Variants in OSBPL1A observed in about 807,000 individuals in gnomAD.
OSBPL1A encodes the protein oxysterol binding protein like 1A.
In OSBPL1A, 80 loss-of-function variants were observed where a neutral mutation model predicts 137.1. That is an observed-to-expected ratio of 0.58 (90% CI 0.49 to 0.70). The LOEUF is 0.70. Ranked by LOEUF, OSBPL1A falls within the 30% of genes least tolerant of loss-of-function variation. OSBPL1A has a pLI of 0.00. For synonymous variants in OSBPL1A, 365 were observed against 389.7 expected, an observed-to-expected ratio of 0.94 and a Z score of 0.75; for missense variants, 970 against 1,129.4, an observed-to-expected ratio of 0.86 and a Z score of 2.02.
In OSBPL1A at chr18:24,373,779, C is replaced by A. The variant is rs180822439; in HGVS notation, c.121+3634G>T. ...AACCAAGAAATGCCGGGAAGGAACC[C>A]CCCACATGGAAACACTATTCACGCC... On this transcript the variant is annotated intron_variant, in intron 2 of 27. Transcript: ENST00000319481. Among the ~76,000 whole-genome samples the A allele has an allele frequency of 2.0e-5, 3 of 152,170 alleles. No homozygotes were observed. The East Asian group carries it at 5.8e-4, about 29-fold the overall frequency.
intron 17 of OSBPL1A, among the ~76,000 whole-genome samples, chr18:24,204,213 G>A (rs13313674): frequency 0.014 from 2,089 of 152,214 alleles, 44 homozygotes; most frequent in African/African-American, 0.048. Flanking sequence ...AGGTGTTCTT[G>A]TCCTTTTAGG....
Position 24,225,194 on chromosome 18 carries a change from G to A in OSBPL1A, c.1449C>T (p.Ser483=), listed in dbSNP as rs144053792. ...EDEFYDALSD[S]ESERSLSRLE... is the part of the protein sequence containing the mutation. ...ATCTACTCAGGGACCTTTCGGACTC[G>A]GAATCTGTGGCAGAGCAGGTTCATA... The change falls in exon 17 of 28, where the codon TCC becomes TCT. Residue 483 remains serine, a synonymous_variant. Transcript: ENST00000319481. 28 of 1,613,952 alleles carry A rather than the reference G, an allele frequency of 1.7e-5. No individual in the cohort carries two copies. The East Asian group carries it at 2.9e-4, about 17-fold the overall frequency.
At chr18:24,228,395 A>G (rs2088160069) in intron 16 of OSBPL1A, among the ~76,000 whole-genome samples, 1 of 151,944 alleles carries the variant, frequency 6.6e-6, no homozygotes. Context: ...GCTCTAAGAA[A>G]GGTCGCTAAT....
At chr18:24,321,086 C>CT (rs1297610158) in intron 7 of OSBPL1A, among the ~76,000 whole-genome samples, 16 of 148,886 alleles carry the variant, frequency 1.1e-4, no homozygotes, top group African/African-American at 3.7e-4. Flanking sequence ...AAAACACAAA[C>CT]TTTGGCAGTT....
At chr18:24,378,947 T>G (rs372750260) in intron 1 of OSBPL1A, among the ~76,000 whole-genome samples, 1 of 152,026 alleles carries the variant, frequency 6.6e-6, no homozygotes, top group African/African-American at 2.4e-5. Context: ...CTCCCCACTC[T>G]TAAACATGAA....
At chr18:24,270,383 C>A (rs1383033110) in intron 15 of OSBPL1A, among the ~76,000 whole-genome samples, 1 of 152,090 alleles carries the variant, frequency 6.6e-6, no homozygotes, top group Non-Finnish European at 1.5e-5. Flanking sequence ...TCTTTTACTT[C>A]CCCCCCATTA....
intron 16 of OSBPL1A, among the ~76,000 whole-genome samples, chr18:24,227,660 T>C (rs541232696): frequency 2.0e-5 from 3 of 152,150 alleles, no homozygotes; most frequent in East Asian, 3.9e-4. Flanking sequence ...AACAGTGGAA[T>C]TGGTGCTCGG....
chr18:24,170,578 A>C, intron 23 of OSBPL1A, 125 bp from the exon 24 acceptor site: 1 of 1,012,454 alleles, frequency 9.9e-7, no homozygotes, highest in Non-Finnish European at 1.5e-6. Context: ...CTTAGCTTCC[A>C]AGAGCAGATG....
At chr18:24,280,807 C>T in intron 15 of OSBPL1A, 35 bp downstream of exon 15, 1 of 1,450,258 alleles carries the variant, frequency 6.9e-7, no homozygotes, top group Non-Finnish European at 9.3e-7. Context: ...AACATCCAAA[C>T]AATTATTTTA....
chr18:24,318,780 C>T lies in OSBPL1A; in HGVS notation c.655G>A (p.Ala219Thr), dbSNP rs1240810397. 5.6e-6 allele frequency: 9 copies of T among 1,613,484 alleles called. No individual in the cohort carries two copies. Among genetic ancestry groups the T allele is most frequent in the Non-Finnish European group, 7.6e-6 (9 of 1,179,960 alleles). The change falls in exon 8 of 28, where the codon GCT becomes ACT. Residue 219 changes from alanine (A) to threonine (T), a missense_variant. Physicochemically the swap from Ala to Thr is moderately conservative, Grantham distance 58. This residue lies in a region of OSBPL1A where 647 missense variants were observed against 672.6 expected (regional missense o/e 0.96). Coordinates refer to ENST00000319481, the MANE Select transcript of OSBPL1A (RefSeq NM_080597.4). The part of the protein sequence containing the change: ...DQKPLDLAQG[A>T]EMKHILVGNK... ...CCAACAAGAATGTGTTTCATTTCAG[C>T]ACCCTGGGCAAGGTCAAGAGGTTTC...
intron 13 of OSBPL1A, 65 bp downstream of exon 13, chr18:24,311,919 A>G: frequency 6.3e-7 from 1 of 1,576,194 alleles, no homozygotes; most frequent in Non-Finnish European, 8.7e-7. Context: ...CTTAAAGAAA[A>G]AAGTTCTTGA....
intron 16 of OSBPL1A, among the ~76,000 whole-genome samples, chr18:24,236,133 T>C (rs2146003380): frequency 6.6e-6 from 1 of 152,318 alleles, no homozygotes; most frequent in African/African-American, 2.4e-5. Flanking sequence ...TAACAGAATA[T>C]ATTTGCATTG....
rs150455313 is a variant in OSBPL1A, at chr18:24,244,463, C to T, written c.1282-5081G>A. Among the ~76,000 whole-genome samples, 274 of 152,288 alleles carry T rather than the reference C, an allele frequency of 1.8e-3. 1 individual carries two copies. Among genetic ancestry groups the T allele is most frequent in the African/African-American group, 6.4e-3 (264 of 41,568 alleles). On this transcript the variant is annotated intron_variant, in intron 15 of 27. Coordinates refer to ENST00000319481, the MANE Select transcript of OSBPL1A (RefSeq NM_080597.4). ...TTCAAATTCGCATATGGAATATACA[C>T]CCTCAGTCCAATGACTTTCCCATGA...
intron 15 of OSBPL1A, chr18:24,272,154 C>T (rs561028142): frequency 2.0e-6 from 2 of 983,756 alleles, no homozygotes; most frequent in East Asian, 1.1e-4. Context: ...TTGGGCTCTA[C>T]GTGAGTGCCG....
intron 17 of OSBPL1A, among the ~76,000 whole-genome samples, chr18:24,211,703 C>A (rs1162405430): frequency 6.6e-6 from 1 of 151,878 alleles, no homozygotes; most frequent in Non-Finnish European, 1.5e-5. Flanking sequence ...GTGTCTCATG[C>A]CTGTAATCCT....
intron 16 of OSBPL1A, among the ~76,000 whole-genome samples, chr18:24,237,266 T>C (rs2088513081): frequency 6.6e-6 from 1 of 152,220 alleles, no homozygotes; most frequent in African/African-American, 2.4e-5. Context: ...TATGGAATTA[T>C]TTAGAACAAA....
intron 4 of OSBPL1A, among the ~76,000 whole-genome samples, chr18:24,362,269 G>A (rs1300780491): frequency 1.3e-5 from 2 of 151,994 alleles, no homozygotes; most frequent in Non-Finnish European, 1.5e-5. Context: ...AGTAGTTCAC[G>A]TAGTCAGGCA....
chr18:24,274,835 G>C (rs922367380), intron 15 of OSBPL1A, among the ~76,000 whole-genome samples: 1 of 152,046 alleles, frequency 6.6e-6, no homozygotes, highest in African/African-American at 2.4e-5. Context: ...CTTGAACCCG[G>C]GAGGCTGAGG....
chr18:24,309,167 C>T (rs1481478169), intron 13 of OSBPL1A, among the ~76,000 whole-genome samples: 1 of 152,202 alleles, frequency 6.6e-6, no homozygotes, highest in Non-Finnish European at 1.5e-5. Flanking sequence ...TTGGACAGCG[C>T]AGTTCTATAC....
Sources: gnomAD v4.1 joint callset for allele counts (sites outside exome capture counted in the v4.1 genomes callset) on GRCh38, gnomAD v4.1.1 for gene constraint, gnomAD v4.1.1 regional missense constraint, MANE v1.5 for transcripts, NCBI Gene and HGNC (gene_info 2026-07-23, HGNC 2026-07-21) for gene names.